Variants in CDC27 observed in about 807,000 individuals in gnomAD.
CDC27 encodes cell division cycle 27, also known as cell division cycle protein 27 homolog.
In CDC27, 27 loss-of-function variants were observed where a neutral mutation model predicts 109.7. The observed-to-expected ratio is 0.25, with a 90% CI of 0.18 to 0.34. The LOEUF (loss-of-function observed/expected upper bound fraction) is 0.34. CDC27 is among the 10% of genes least tolerant of loss of function. The pLI is 1.00. For missense variants in CDC27, 579 were observed against 960.2 expected, an observed-to-expected ratio of 0.60 and a Z score of 5.25; for synonymous variants, 266 against 333.9, an observed-to-expected ratio of 0.80 and a Z score of 2.22.
Position 47,142,004 on chromosome 17 carries a change from C to T in CDC27, c.1400G>A (p.Arg467His), listed in dbSNP as rs763715703. 3.1e-6 allele frequency: 5 copies of T among 1,590,384 alleles called. No homozygotes were observed. Among genetic ancestry groups the T allele is most frequent in the Non-Finnish European group, 4.3e-6 (5 of 1,171,162 alleles). Residue 467 changes from arginine (R) to histidine (H), a missense_variant, in exon 12 of 19, where the codon CGT becomes CAT. By Grantham distance (29) the Arg-to-His change is conservative. Coordinates refer to ENST00000066544, the MANE Select transcript of CDC27 (RefSeq NM_001256.6). ...AAAEGLMSLLREMGKGYLALC... is the reference protein window; with the variant it reads ...AAAEGLMSLLHEMGKGYLALC... ...AGCTAAATAACCTTTCCCCATTTCACGAAGAAGGCTCATCAAACCTTCTAG... is the reference window on the plus strand; with the variant it reads ...AGCTAAATAACCTTTCCCCATTTCATGAAGAAGGCTCATCAAACCTTCTAG...
intron 1 of CDC27, among the ~76,000 whole-genome samples, chr17:47,185,454 A>G (rs1355960219): frequency 6.6e-6 from 1 of 152,186 alleles, no homozygotes; most frequent in Non-Finnish European, 1.5e-5. Flanking sequence ...AAGTGCTGGG[A>G]TTACAGGCGT....
intron 9 of CDC27, among the ~76,000 whole-genome samples, chr17:47,149,160 T>G (rs2148891171): frequency 6.6e-6 from 1 of 151,872 alleles, no homozygotes; most frequent in East Asian, 1.9e-4. Context: ...AATAAGAACT[T>G]TTTTTCTGAT....
At chr17:47,127,693 G>A (rs1007111828) in intron 16 of CDC27, among the ~76,000 whole-genome samples, 1 of 151,662 alleles carries the variant, frequency 6.6e-6, no homozygotes, top group Non-Finnish European at 1.5e-5. Flanking sequence ...GAGCCACTGT[G>A]CCTGGCCCTA....
In CDC27 at chr17:47,142,328, G is replaced by C; in HGVS notation, c.1279C>G (p.Leu427Val). The C allele has an allele frequency of 6.4e-7, 1 of 1,551,336 alleles. No homozygotes were observed. Among genetic ancestry groups the C allele is most frequent in the Non-Finnish European group, 8.9e-7 (1 of 1,125,892 alleles). ...GITQPNINDS[L>V]EITKLDSSII... The stretch of plus-strand genomic sequence containing the variant: ...GAAGAGTCCAATTTTGTAATTTCCA[G>C]GCTATCATTTATGTTAGGTTGAGTT... The change falls in exon 11 of 19, where the codon CTG becomes GTG. Residue 427 changes from leucine (L) to valine (V), a missense_variant. This residue lies in a region of CDC27 where 58 missense variants were observed against 116.6 expected (regional missense o/e 0.50). Coordinates refer to ENST00000066544, the MANE Select transcript of CDC27 (RefSeq NM_001256.6).
intron 1 of CDC27, among the ~76,000 whole-genome samples, chr17:47,187,703 CA>C (rs35856124): frequency 0.027 from 3,124 of 117,064 alleles, 70 homozygotes; most frequent in African/African-American, 0.079. Context: ...CCAGAGAAGG[CA>C]AAAAAAAAAA....
rs1218545090 is a variant in CDC27 at position 47,133,024 on chromosome 17, T to TAC, written c.1914-651_1914-650insGT. Among the ~76,000 whole-genome samples, 194 of 47,434 alleles carry TAC rather than the reference T, an allele frequency of 4.1e-3. 1 individual carries two copies. The highest frequency in any genetic ancestry group is 7.5e-3 in the Admixed American group (21 of 2,816). 31.1% of individuals were successfully genotyped at this position (47,434 alleles called of 152,430 possible). ...ATATATATATATATATATATATATA[T>TAC]ATATACACACACACACACACACACA... is the stretch of plus-strand genomic sequence containing the variant. On this transcript the variant is annotated intron_variant, in intron 14 of 18. Coordinates refer to ENST00000066544, the MANE Select transcript of CDC27 (RefSeq NM_001256.6).
intron 2 of CDC27, among the ~76,000 whole-genome samples, chr17:47,175,925 C>A (rs1373380271): frequency 6.6e-6 from 1 of 152,190 alleles, no homozygotes; most frequent in African/African-American, 2.4e-5. Context: ...TGCTTGGGTT[C>A]AGATTCTGGC....
chr17:47,133,438 G>GTT (rs200764837), intron 14 of CDC27, among the ~76,000 whole-genome samples: 23 of 134,100 alleles, frequency 1.7e-4, no homozygotes, highest in South Asian at 4.9e-4. Flanking sequence ...GTGCCAAGCT[G>GTT]TTTTTTTGTT....
intron 1 of CDC27, among the ~76,000 whole-genome samples, chr17:47,187,083 C>T (rs2064467029): frequency 6.6e-6 from 1 of 152,142 alleles, no homozygotes; most frequent in African/African-American, 2.4e-5. Flanking sequence ...TACTATACAA[C>T]CAAAATTTTC....
intron 14 of CDC27, among the ~76,000 whole-genome samples, chr17:47,133,295 C>T (rs1229708913): frequency 2.0e-5 from 3 of 149,304 alleles, no homozygotes; most frequent in East Asian, 2.0e-4. Context: ...TGCACCATCA[C>T]GCCCGGCTAA....
At chr17:47,145,698 C>A (rs1002172624) in intron 9 of CDC27, among the ~76,000 whole-genome samples, 1 of 152,046 alleles carries the variant, frequency 6.6e-6, no homozygotes. Context: ...GTCAAGAGAT[C>A]GAGATCATCC....
intron 17 of CDC27, among the ~76,000 whole-genome samples, chr17:47,123,486 T>C (rs966915478): frequency 1.3e-5 from 2 of 150,084 alleles, no homozygotes; most frequent in Non-Finnish European, 3.0e-5. Flanking sequence ...TCTTGGCTCA[T>C]GGCAACCTCT....
At chr17:47,187,941 A>G (rs557092318) in intron 1 of CDC27, among the ~76,000 whole-genome samples, 36 of 152,258 alleles carry the variant, frequency 2.4e-4, no homozygotes, top group African/African-American at 7.9e-4. Context: ...AGACAGGTAA[A>G]TTTCATAAGA....
At chr17:47,133,020 TATATATATAC>T (rs1427406167) in intron 14 of CDC27, among the ~76,000 whole-genome samples, 2,292 of 46,038 alleles carry the variant, frequency 0.05, 88 homozygotes, top group Middle Eastern at 0.12. Flanking sequence ...TATATATATA[TATATATATAC>T]ACACACACAC....
At chr17:47,136,321 C>T (rs2062589511) in intron 14 of CDC27, among the ~76,000 whole-genome samples, 1 of 152,114 alleles carries the variant, frequency 6.6e-6, no homozygotes, top group African/African-American at 2.4e-5. Context: ...AGACATAATC[C>T]ATTAACAACA....
intron 10 of CDC27, among the ~76,000 whole-genome samples, chr17:47,143,608 C>T (rs193302633): frequency 1.3e-5 from 2 of 152,260 alleles, no homozygotes; most frequent in Non-Finnish European, 2.9e-5. Flanking sequence ...AATCACTGAT[C>T]TGTTGTCCAT....
rs1351077815 is a variant in CDC27 at position 47,135,563 on chromosome 17, G to C, written c.1913+1589C>G. The stretch of plus-strand genomic sequence containing the variant: ...ATGAAGAAAAGGTATTAAACACTAT[G>C]CTAATGATAGTGAAAGTGAAAACAA... On this transcript the variant is annotated intron_variant, in intron 14 of 18. Coordinates refer to ENST00000066544, the MANE Select transcript of CDC27 (RefSeq NM_001256.6). Among the ~76,000 whole-genome samples the C allele has an allele frequency of 3.9e-5, 6 of 152,128 alleles. No individual in the cohort carries two copies. The South Asian group carries it at 1.0e-3, about 26-fold the overall frequency.
chr17:47,160,371 G>A (rs1045808280), intron 4 of CDC27, among the ~76,000 whole-genome samples: 10 of 151,928 alleles, frequency 6.6e-5, no homozygotes, highest in African/African-American at 2.4e-4. Context: ...GGGATTACAG[G>A]TGCACACCAC....
intron 4 of CDC27, among the ~76,000 whole-genome samples, chr17:47,159,040 C>T (rs1342422119): frequency 6.6e-6 from 1 of 152,246 alleles, no homozygotes; most frequent in Non-Finnish European, 1.5e-5. Flanking sequence ...GCGTGATCCA[C>T]CACGCTTGGC....
Sources: gnomAD v4.1 joint callset for allele counts (sites outside exome capture counted in the v4.1 genomes callset) on GRCh38, gnomAD v4.1.1 for gene constraint, gnomAD v4.1.1 regional missense constraint, MANE v1.5 for transcripts, NCBI Gene and HGNC (gene_info 2026-07-23, HGNC 2026-07-21) for gene names.